The following ERC2 variants were observed in gnomAD, a reference collection of about 807,000 sequenced individuals.
The protein encoded by ERC2 is ELKS/RAB6-interacting/CAST family member 2.
ERC2 carries 42 observed loss-of-function variants against 114.8 expected under a neutral mutation model. That is an observed-to-expected ratio of 0.37 (90% CI 0.29 to 0.47). The LOEUF (loss-of-function observed/expected upper bound fraction) is 0.47. Among genes scored for constraint, ERC2 ranks in the 20% least tolerant of loss-of-function variants. The pLI is 0.99. For missense variants in ERC2, 939 were observed against 1,150.7 expected (o/e 0.82, Z 2.66); for synonymous variants, 454 against 425.5 (o/e 1.07, Z -0.82).
chr3:55,894,099 G>A (rs2063736051), intron 13 of ERC2, among the ~76,000 whole-genome samples: 1 of 152,114 alleles, frequency 6.6e-6, no homozygotes, highest in African/African-American at 2.4e-5. Flanking sequence ...CCACTTACTA[G>A]ATGTATAAAT....
At chr3:56,466,337 A>C (rs1423416616) in intron 1 of ERC2, among the ~76,000 whole-genome samples, 1 of 152,226 alleles carries the variant, frequency 6.6e-6, no homozygotes, top group Non-Finnish European at 1.5e-5. Context: ...TGGATCAATC[A>C]GTAATTTTTC....
intron 6 of ERC2, among the ~76,000 whole-genome samples, chr3:56,109,476 TGAAC>T (rs756124447): frequency 6.6e-5 from 10 of 152,190 alleles, no homozygotes; most frequent in Non-Finnish European, 1.3e-4. Flanking sequence ...AGTGCTGCAA[TGAAC>T]ATTCACATGC....
intron 15 of ERC2, among the ~76,000 whole-genome samples, chr3:55,714,667 GTATATA>G (rs59969304): frequency 5.1e-4 from 45 of 88,556 alleles, no homozygotes; most frequent in African/African-American, 1.3e-3. Flanking sequence ...GTGTGTGTGT[GTATATA>G]TATATATATA....
intron 6 of ERC2, among the ~76,000 whole-genome samples, chr3:56,135,725 T>A (rs2080467295): frequency 6.6e-6 from 1 of 152,214 alleles, no homozygotes; most frequent in Non-Finnish European, 1.5e-5. Context: ...TTCTAAATGC[T>A]GTGTTTTGTT....
intron 2 of ERC2, among the ~76,000 whole-genome samples, chr3:56,392,339 C>T (rs2060158039): frequency 6.6e-6 from 1 of 152,180 alleles, no homozygotes; most frequent in African/African-American, 2.4e-5. Context: ...ACCAAGTCAA[C>T]TTCATGGACT....
intron 4 of ERC2, among the ~76,000 whole-genome samples, chr3:56,155,575 C>T (rs772449885): frequency 6.6e-6 from 1 of 151,874 alleles, no homozygotes; most frequent in African/African-American, 2.4e-5. Context: ...CAAGTGATAG[C>T]GTGAAAGGTA....
intron 3 of ERC2, among the ~76,000 whole-genome samples, chr3:56,197,192 C>A (rs1193408826): frequency 6.6e-6 from 1 of 152,152 alleles, no homozygotes; most frequent in Non-Finnish European, 1.5e-5. Flanking sequence ...TCTGGCTCCT[C>A]TCATTTCTAG....
At chr3:55,877,220 A>T (rs2062891924) in intron 14 of ERC2, among the ~76,000 whole-genome samples, 1 of 152,188 alleles carries the variant, frequency 6.6e-6, no homozygotes, top group Admixed American at 6.5e-5. Context: ...ACTGGATGGC[A>T]GTGGCACCTC....
chr3:55,727,490 ATTTGTAC>A (rs1293471691), intron 15 of ERC2, among the ~76,000 whole-genome samples: 2 of 152,322 alleles, frequency 1.3e-5, no homozygotes, highest in African/African-American at 4.8e-5. Context: ...CAGAAAGTTA[ATTTGTAC>A]TGCTCTTTTA....
At chr3:56,363,268 A>G (rs1165151612) in intron 2 of ERC2, among the ~76,000 whole-genome samples, 1 of 152,232 alleles carries the variant, frequency 6.6e-6, no homozygotes, top group African/African-American at 2.4e-5. Flanking sequence ...CTGAATTTCA[A>G]TTTGAACAAG....
chr3:56,165,896 T>C (rs1286816456), intron 4 of ERC2, among the ~76,000 whole-genome samples: 1 of 152,008 alleles, frequency 6.6e-6, no homozygotes, highest in Non-Finnish European at 1.5e-5. Context: ...TTTTTCTTTC[T>C]AATTTTTATA....
intron 6 of ERC2, among the ~76,000 whole-genome samples, chr3:56,134,112 C>T (rs1285987660): frequency 2.6e-5 from 4 of 152,180 alleles, no homozygotes; most frequent in Middle Eastern, 3.2e-3. Context: ...AGGGTAACCA[C>T]CTTAGCAATA....
At chr3:56,390,272 G>GA (rs1353917508) in intron 2 of ERC2, among the ~76,000 whole-genome samples, 1 of 152,028 alleles carries the variant, frequency 6.6e-6, no homozygotes, top group East Asian at 1.9e-4. Flanking sequence ...AGTTTCAATG[G>GA]AAAAAATTAC....
chr3:55,912,773 T>C (rs1293734704), intron 13 of ERC2, among the ~76,000 whole-genome samples: 1 of 152,054 alleles, frequency 6.6e-6, no homozygotes, highest in Non-Finnish European at 1.5e-5. Flanking sequence ...ACCCCAATTA[T>C]AAAAATAATG....
intron 16 of ERC2, among the ~76,000 whole-genome samples, chr3:55,693,080 G>A (rs980261556): frequency 2.6e-5 from 4 of 152,062 alleles, no homozygotes; most frequent in African/African-American, 9.7e-5. Flanking sequence ...ACACATGCTG[G>A]GACCACACAG....
chr3:56,073,636 C>T (rs903898221), intron 7 of ERC2, among the ~76,000 whole-genome samples: 42 of 152,182 alleles, frequency 2.8e-4, no homozygotes, highest in Admixed American at 2.3e-3. Flanking sequence ...GAACAGCTCA[C>T]TGCAAAGTGG....
chr3:56,237,582 A>G (rs1451050293), intron 3 of ERC2, among the ~76,000 whole-genome samples: 3 of 152,172 alleles, frequency 2.0e-5, no homozygotes, highest in Admixed American at 2.0e-4. Flanking sequence ...GCATTTAAGA[A>G]CATAGTTTTT....
chr3:55,693,731 G>A (rs1433313910), intron 16 of ERC2, among the ~76,000 whole-genome samples: 1 of 151,166 alleles, frequency 6.6e-6, no homozygotes, highest in Non-Finnish European at 1.5e-5. Context: ...TTTTTGAGAC[G>A]AAGTTTCACT....
intron 17 of ERC2, among the ~76,000 whole-genome samples, chr3:55,540,879 G>A (rs970669104): frequency 2.0e-5 from 3 of 152,186 alleles, no homozygotes; most frequent in Non-Finnish European, 4.4e-5. Context: ...GTCCTGGAAG[G>A]GTTGGCTGTT....
Sources: allele counts gnomAD v4.1 joint callset (sites outside exome capture counted in the v4.1 genomes callset), GRCh38; gene constraint gnomAD v4.1.1; transcripts MANE v1.5; gene names NCBI Gene and HGNC (gene_info 2026-07-23, HGNC 2026-07-21).